MYO3A: variants seen among roughly 807,000 people sequenced by gnomAD.
MYO3A encodes myosin-IIIa.
In MYO3A, 180 loss-of-function variants were observed where a neutral mutation model predicts 192.7. The observed-to-expected ratio is 0.93, with a 90% confidence interval of 0.83 to 1.06. The LOEUF is 1.06. Among genes scored for constraint, MYO3A ranks in the 50% least tolerant of loss-of-function variants. The pLI is 0.00. For missense variants in MYO3A, 1,896 were observed against 1,905.0 expected (o/e 1.00, Z 0.09); for synonymous variants, 628 against 645.3 (o/e 0.97, Z 0.41).
At chr10:26,013,765 C>T (rs184575210) in intron 6 of MYO3A, among the ~76,000 whole-genome samples, 41 of 152,210 alleles carry the variant, frequency 2.7e-4, no homozygotes, top group Admixed American at 4.6e-4. Context: ...AGCAATTCCA[C>T]TGCTGGATAT....
At chr10:26,146,372 A>C (rs1398556725) in intron 22 of MYO3A, among the ~76,000 whole-genome samples, 3 of 152,270 alleles carry the variant, frequency 2.0e-5, no homozygotes, top group Non-Finnish European at 4.4e-5. Context: ...ACAATCTATT[A>C]GTCTGCTCGG....
At chr10:26,033,137 G>C (rs542040212) in intron 10 of MYO3A, among the ~76,000 whole-genome samples, 33 of 152,106 alleles carry the variant, frequency 2.2e-4, no homozygotes, top group African/African-American at 8.0e-4. Context: ...GCAGTGGCAC[G>C]ATCTCAGCTC....
intron 6 of MYO3A, among the ~76,000 whole-genome samples, chr10:26,013,810 G>T (rs2131026678): frequency 6.6e-6 from 1 of 152,172 alleles, no homozygotes; most frequent in East Asian, 1.9e-4. Flanking sequence ...ATATGAAAAA[G>T]ACACTTGTAC....
chr10:26,143,999 T>G (rs1840315005), intron 21 of MYO3A, among the ~76,000 whole-genome samples: 1 of 152,214 alleles, frequency 6.6e-6, no homozygotes, highest in African/African-American at 2.4e-5. Flanking sequence ...TTCTATTCAT[T>G]TATTTAATAT....
At chr10:26,128,565 T>G in intron 20 of MYO3A, 27 bp downstream of exon 20, 5 of 1,574,794 alleles carry the variant, frequency 3.2e-6, no homozygotes, top group Non-Finnish European at 4.4e-6. Flanking sequence ...ACTATAAATA[T>G]GCATGCATGC....
intron 20 of MYO3A, among the ~76,000 whole-genome samples, chr10:26,140,891 C>T (rs1255585674): frequency 2.0e-5 from 3 of 152,102 alleles, no homozygotes; most frequent in South Asian, 2.1e-4. Context: ...TAACTCTGCT[C>T]ACCTTATGCT....
intron 10 of MYO3A, among the ~76,000 whole-genome samples, chr10:26,031,634 G>A (rs1489080618): frequency 6.6e-6 from 1 of 152,182 alleles, no homozygotes; most frequent in Non-Finnish European, 1.5e-5. Context: ...GAAGCAACAG[G>A]TGGATAGCCA....
chr10:26,103,852 T>C (rs1837625289), intron 17 of MYO3A, among the ~76,000 whole-genome samples: 1 of 152,194 alleles, frequency 6.6e-6, no homozygotes. Context: ...CGTCAACACT[T>C]ATTGTTATCT....
chr10:25,951,665 A>G (rs1260016474), intron 2 of MYO3A, among the ~76,000 whole-genome samples: 2 of 152,174 alleles, frequency 1.3e-5, no homozygotes, highest in South Asian at 2.1e-4. Context: ...TGAGTTTTGC[A>G]TAGAGAAGTG....
chr10:25,966,253 G>GT (rs1838262554), intron 4 of MYO3A, among the ~76,000 whole-genome samples: 1 of 152,112 alleles, frequency 6.6e-6, no homozygotes, highest in Non-Finnish European at 1.5e-5. Flanking sequence ...ACGTGTGTGC[G>GT]TAAGTTTACA....
At chr10:26,208,149 G>A (rs1844060808) in intron 34 of MYO3A, among the ~76,000 whole-genome samples, 2 of 152,094 alleles carry the variant, frequency 1.3e-5, no homozygotes, top group African/African-American at 2.4e-5. Flanking sequence ...GAGGAAAAGA[G>A]GACAACAAGA....
At chr10:26,110,087 A>G (rs1359767394) in intron 17 of MYO3A, among the ~76,000 whole-genome samples, 2 of 152,208 alleles carry the variant, frequency 1.3e-5, no homozygotes, top group African/African-American at 4.8e-5. Context: ...CTTTACTCGC[A>G]AAAAGTCGTG....
chr10:25,982,688 G>T (rs1164722699), intron 4 of MYO3A, among the ~76,000 whole-genome samples: 3 of 152,138 alleles, frequency 2.0e-5, no homozygotes, highest in Non-Finnish European at 4.4e-5. Context: ...AAACAGAAGA[G>T]CAAAACCAAT....
chr10:26,082,062 A>G (rs1835993939), intron 14 of MYO3A, among the ~76,000 whole-genome samples: 1 of 152,190 alleles, frequency 6.6e-6, no homozygotes, highest in South Asian at 2.1e-4. Context: ...TGGAGCTGCA[A>G]TCTAGTCCTG....
At chr10:26,052,689 T>A (rs1223071520) in intron 10 of MYO3A, among the ~76,000 whole-genome samples, 1 of 152,232 alleles carries the variant, frequency 6.6e-6, no homozygotes, top group Admixed American at 6.5e-5. Flanking sequence ...TCTACCCCAG[T>A]GGCTCCTTAA....
intron 6 of MYO3A, among the ~76,000 whole-genome samples, chr10:26,004,169 A>C (rs1356111367): frequency 6.6e-6 from 1 of 152,132 alleles, no homozygotes; most frequent in Non-Finnish European, 1.5e-5. Flanking sequence ...TGGGTCCCCA[A>C]GTGGGATGAG....
intron 15 of MYO3A, among the ~76,000 whole-genome samples, chr10:26,095,458 C>A (rs1836959835): frequency 6.6e-6 from 1 of 152,004 alleles, no homozygotes; most frequent in Admixed American, 6.5e-5. Context: ...CAGGGTGTCC[C>A]AGCTGACCAC....
intron 4 of MYO3A, among the ~76,000 whole-genome samples, chr10:25,967,376 AC>A: frequency 6.6e-6 from 1 of 152,130 alleles, no homozygotes; most frequent in Non-Finnish European, 1.5e-5. Context: ...TTTAATAGAG[AC>A]CCTCCAGAAA....
intron 18 of MYO3A, among the ~76,000 whole-genome samples, chr10:26,124,528 A>G (rs559793527): frequency 1.3e-5 from 2 of 152,350 alleles, no homozygotes; most frequent in South Asian, 2.1e-4. Context: ...CAATGAGCCT[A>G]TCGTACTTCC....
Sources: allele counts gnomAD v4.1 joint callset (sites outside exome capture counted in the v4.1 genomes callset), GRCh38; gene constraint gnomAD v4.1.1; transcripts MANE v1.5; gene names NCBI Gene and HGNC (gene_info 2026-07-23, HGNC 2026-07-21).